Variants in AFF3 observed in about 807,000 individuals in gnomAD.
The protein encoded by AFF3 is ALF transcription elongation factor 3, also known as AF4/FMR2 family member 3.
Under a neutral mutation model 129.7 loss-of-function variants are expected in AFF3, and 32 were observed. That is an observed-to-expected ratio of 0.25 (90% CI 0.19 to 0.33). The LOEUF is 0.33. AFF3 is among the 10% of genes least tolerant of loss of function. The pLI is 1.00. For synonymous variants in AFF3, 644 were observed against 635.4 expected (o/e 1.01, Z -0.20); for missense variants, 1,373 against 1,592.0 (o/e 0.86, Z 2.34).
chr2:99,955,467 A>T (rs1403962183), intron 7 of AFF3, among the ~76,000 whole-genome samples: 3 of 152,180 alleles, frequency 2.0e-5, no homozygotes, highest in Admixed American at 2.0e-4. Flanking sequence ...TCTTAACAAG[A>T]AGTACTGCCA....
chr2:99,705,314 T>C (rs1208326887), intron 11 of AFF3, among the ~76,000 whole-genome samples: 1 of 151,932 alleles, frequency 6.6e-6, no homozygotes, highest in Non-Finnish European at 1.5e-5. Context: ...TTTGTATTGT[T>C]TGGGAAAATA....
intron 14 of AFF3, among the ~76,000 whole-genome samples, chr2:99,596,436 C>A (rs529462082): frequency 6.6e-6 from 1 of 152,262 alleles, no homozygotes; most frequent in African/African-American, 2.4e-5. Context: ...AATTTTGTCT[C>A]CCTCAACCCC....
intron 2 of AFF3, among the ~76,000 whole-genome samples, chr2:100,112,168 G>A (rs766211640): frequency 6.6e-6 from 1 of 152,196 alleles, no homozygotes; most frequent in Non-Finnish European, 1.5e-5. Flanking sequence ...AGCAAAGAAA[G>A]AAGTCTTTGC....
chr2:100,125,100 C>T (rs1692130456), intron 2 of AFF3, among the ~76,000 whole-genome samples: 1 of 151,920 alleles, frequency 6.6e-6, no homozygotes, highest in South Asian at 2.1e-4. Flanking sequence ...GAGGAGAGGG[C>T]CATCAATAAC....
chr2:99,677,719 C>T (rs549249546), intron 11 of AFF3, among the ~76,000 whole-genome samples: 1 of 152,094 alleles, frequency 6.6e-6, no homozygotes, highest in Admixed American at 6.5e-5. Flanking sequence ...TGCAGTTTGC[C>T]GAGCACTACC....
chr2:99,616,523 G>A (rs777213301), intron 13 of AFF3, among the ~76,000 whole-genome samples: 43 of 152,038 alleles, frequency 2.8e-4, no homozygotes, highest in Non-Finnish European at 5.6e-4. Context: ...GGAGGCTGAG[G>A]CAGGTGGATC....
At chr2:99,990,489 T>G (rs1680243768) in intron 7 of AFF3, among the ~76,000 whole-genome samples, 1 of 152,132 alleles carries the variant, frequency 6.6e-6, no homozygotes, top group Non-Finnish European at 1.5e-5. Context: ...ACTAAAAATT[T>G]TTTATATTAT....
At chr2:99,996,486 G>A (rs1277775389) in intron 7 of AFF3, among the ~76,000 whole-genome samples, 1 of 149,788 alleles carries the variant, frequency 6.7e-6, no homozygotes, top group Non-Finnish European at 1.5e-5. Context: ...CTCGGCTCAT[G>A]AGTAGTTGGG....
chr2:99,823,218 T>C (rs1266735589), intron 8 of AFF3, among the ~76,000 whole-genome samples: 2 of 152,174 alleles, frequency 1.3e-5, no homozygotes, highest in African/African-American at 2.4e-5. Context: ...ATTTTTAAAC[T>C]AACTTTAAAG....
At chr2:99,869,887 T>C (rs938785303) in intron 7 of AFF3, among the ~76,000 whole-genome samples, 4 of 152,132 alleles carry the variant, frequency 2.6e-5, no homozygotes, top group African/African-American at 4.8e-5. Context: ...TCAGAAAGAA[T>C]AGGAAAATTT....
At chr2:100,106,444 A>G (rs921549637) in intron 2 of AFF3, 4 of 1,022,842 alleles carry the variant, frequency 3.9e-6, no homozygotes, top group African/African-American at 3.4e-5. Flanking sequence ...AAGAAAAAAA[A>G]GAAAAAGAAA....
chr2:100,135,935 A>G (rs954734974), intron 1 of AFF3, among the ~76,000 whole-genome samples: 1 of 152,174 alleles, frequency 6.6e-6, no homozygotes, highest in Non-Finnish European at 1.5e-5. Flanking sequence ...CAAAGAACAC[A>G]CAGATGGGAT....
At chr2:99,679,387 T>C (rs1178801065) in intron 11 of AFF3, among the ~76,000 whole-genome samples, 1 of 152,110 alleles carries the variant, frequency 6.6e-6, no homozygotes, top group East Asian at 1.9e-4. Flanking sequence ...ATGGTCCTTT[T>C]CTCCACTGAC....
chr2:99,854,443 T>C (rs1690377312), intron 7 of AFF3, among the ~76,000 whole-genome samples: 1 of 152,182 alleles, frequency 6.6e-6, no homozygotes, highest in Non-Finnish European at 1.5e-5. Context: ...TAGCAACCCT[T>C]TAAATCTCAT....
At chr2:99,655,231 C>T (rs1278713598) in intron 12 of AFF3, among the ~76,000 whole-genome samples, 1 of 150,036 alleles carries the variant, frequency 6.7e-6, no homozygotes, top group Non-Finnish European at 1.5e-5. Context: ...CACACACACA[C>T]ACACACACAC....
chr2:99,606,915 CAA>C (rs10680840), intron 13 of AFF3, among the ~76,000 whole-genome samples: 2,442 of 61,912 alleles, frequency 0.039, 4 homozygotes, highest in Non-Finnish European at 0.053. Flanking sequence ...CTCCGTCTCA[CAA>C]AAAAAAAAAA....
chr2:100,049,834 C>T (rs1030125826), intron 4 of AFF3, among the ~76,000 whole-genome samples: 8 of 152,166 alleles, frequency 5.3e-5, no homozygotes, highest in Admixed American at 1.3e-4. Context: ...ACTCCTCATA[C>T]AACATCTTAC....
intron 15 of AFF3, among the ~76,000 whole-genome samples, chr2:99,591,476 C>CGGTG (rs1678673960): frequency 6.6e-6 from 1 of 152,120 alleles, no homozygotes; most frequent in Admixed American, 6.6e-5. Context: ...CTTGAGCCAC[C>CGGTG]GTACCCGGTC....
At position 100,008,442 on chromosome 2, in the gene AFF3, T is replaced by C. The variant is rs13418526; in HGVS notation, c.174+370A>G. ...CCTAGCGTGATCCATGTACGACAAA[T>C]ATGTAACACAACCTCCTTCTAATAG... On this transcript the variant is annotated intron_variant, in intron 5 of 24. Coordinates refer to ENST00000672756, the MANE Select transcript of AFF3 (RefSeq NM_001386135.1). Among the ~76,000 whole-genome samples, 568 of 152,356 alleles carry C rather than the reference T, an allele frequency of 3.7e-3. 3 individuals are homozygous for C. Among genetic ancestry groups the C allele is most frequent in the African/African-American group, 0.013 (537 of 41,580 alleles).
Sources: allele counts gnomAD v4.1 joint callset (sites outside exome capture counted in the v4.1 genomes callset), GRCh38; gene constraint gnomAD v4.1.1; transcripts MANE v1.5; gene names NCBI Gene and HGNC (gene_info 2026-07-23, HGNC 2026-07-21).